DNAAF4: variants seen among roughly 807,000 people sequenced by gnomAD.
DNAAF4 encodes dynein axonemal assembly factor 4, also known as dynein assembly factor 4, axonemal.
In DNAAF4, 43 loss-of-function variants were observed where a neutral mutation model predicts 51.8. That is an observed-to-expected ratio of 0.83 (90% CI 0.65 to 1.07). The LOEUF (loss-of-function observed/expected upper bound fraction) is 1.07, where lower values mean the gene tolerates loss of function less well. Ranked by LOEUF, DNAAF4 falls within the 50% of genes least tolerant of loss-of-function variation. The probability of loss-of-function intolerance (pLI) is 0.00; values close to 1 mark genes in which losing one functional copy is unlikely to be tolerated. For missense variants in DNAAF4, 581 were observed against 493.0 expected, an observed-to-expected ratio of 1.18 and a Z score of -1.69; for synonymous variants, 194 against 165.6, an observed-to-expected ratio of 1.17 and a Z score of -1.32.
At chr15:55,506,264 A>G (rs1266962880) in intron 1 of DNAAF4, among the ~76,000 whole-genome samples, 1 of 152,230 alleles carries the variant, frequency 6.6e-6, no homozygotes, top group East Asian at 1.9e-4. Flanking sequence ...GCAAATTGGC[A>G]TAATCTTATT....
intron 4 of DNAAF4, among the ~76,000 whole-genome samples, chr15:55,468,942 A>C (rs1434889583): frequency 1.3e-5 from 2 of 152,190 alleles, no homozygotes; most frequent in Non-Finnish European, 2.9e-5. Flanking sequence ...AGAGTAGGTA[A>C]CAGAAGGAAC....
chr15:55,492,923 T>C (rs1053667788), intron 3 of DNAAF4, among the ~76,000 whole-genome samples: 4 of 152,218 alleles, frequency 2.6e-5, no homozygotes, highest in African/African-American at 9.6e-5. Flanking sequence ...AAGTAGAGTA[T>C]AAAAGAGGTA....
chr15:55,445,532 C>G (rs879938869), intron 6 of DNAAF4, among the ~76,000 whole-genome samples: 1 of 152,152 alleles, frequency 6.6e-6, no homozygotes, highest in Non-Finnish European at 1.5e-5. Flanking sequence ...TCATCATGGC[C>G]CGTTCTCGAT....
intron 3 of DNAAF4, chr15:55,495,220 AAAAAAAAAAAAAT>A (rs1319387113): frequency 6.9e-6 from 1 of 145,112 alleles, no homozygotes; most frequent in Non-Finnish European, 1.6e-5. Flanking sequence ...AAAAAAAAAA[AAAAAAAAAAAAAT>A]TAAGTAAACT....
chr15:55,424,991 G>A (rs909244780), intron 7 of DNAAF4, among the ~76,000 whole-genome samples: 3 of 152,016 alleles, frequency 2.0e-5, no homozygotes, highest in Non-Finnish European at 4.4e-5. Context: ...TCAGCCTCCT[G>A]AGTAGCTGGG....
chr15:55,473,200 T>A (rs2927576), intron 4 of DNAAF4, among the ~76,000 whole-genome samples: 5,977 of 22,766 alleles, frequency 0.26, 908 homozygotes, highest in African/African-American at 0.47. Context: ...AAAAAAAAAA[T>A]ATATATATAT....
intron 4 of DNAAF4, among the ~76,000 whole-genome samples, chr15:55,483,050 G>A (rs2058433756): frequency 6.6e-6 from 1 of 152,090 alleles, no homozygotes; most frequent in South Asian, 2.1e-4. Context: ...ATGGTGGAGG[G>A]AAAAGTAGGG....
chr15:55,458,844 C>G (rs562604502), intron 5 of DNAAF4, among the ~76,000 whole-genome samples: 1 of 151,964 alleles, frequency 6.6e-6, no homozygotes, highest in Non-Finnish European at 1.5e-5. Context: ...GAGGCCAAGG[C>G]GGGTGGATCA....
chr15:55,498,248 C>A lies in DNAAF4; in HGVS notation c.82G>T (p.Val28Phe). Residue 28 changes from valine to phenylalanine, a missense_variant, in exon 2 of 10, where the codon GTC (valine) becomes TTC (phenylalanine). By Grantham distance (50) the Val-to-Phe change is conservative. Transcript: ENST00000321149. ...GTGCAGAACACGTCCGTGTCTCTGA[C>A]GCACACGCCTTTGAGGGGCAGAGAC... is the stretch of plus-strand genomic sequence containing the variant. ...FLSLPLKGVC[V>F]RDTDVFCTEN... 1 of 1,613,878 alleles carries A rather than the reference C, an allele frequency of 6.2e-7. No individual in the cohort carries two copies. The highest frequency in any genetic ancestry group is 8.5e-7 in the Non-Finnish European group (1 of 1,179,880).
intron 5 of DNAAF4, among the ~76,000 whole-genome samples, chr15:55,453,245 T>C (rs2057963768): frequency 6.6e-6 from 1 of 152,156 alleles, no homozygotes; most frequent in Non-Finnish European, 1.5e-5. Context: ...CATCAACAAG[T>C]CTTTTGCAAA....
Position 55,447,348 on chromosome 15 carries a change from A to T in DNAAF4, c.783+2874T>A, listed in dbSNP as rs610286. 1.3e-3 allele frequency among the ~76,000 whole-genome samples: 196 copies of T among 151,824 alleles called. 2 individuals carry two copies. The highest frequency in any genetic ancestry group is 4.5e-3 in the African/African-American group (187 of 41,446). On this transcript the variant is annotated intron_variant, in intron 6 of 9. Coordinates refer to ENST00000321149, the MANE Select transcript of DNAAF4 (RefSeq NM_130810.4). ...CCCAGACGATGGGCGGCCAGGCAGA[A>T]ATGTTCCTCACTTCCTAGATGGGGT... is the stretch of plus-strand genomic sequence containing the variant.
chr15:55,434,756 AG>A, intron 8 of DNAAF4, 148 bp downstream of exon 8: 1 of 735,656 alleles, frequency 1.4e-6, no homozygotes, highest in Non-Finnish European at 2.0e-6. Flanking sequence ...GTAAAAAATC[AG>A]TTAAAAAAAA....
At chr15:55,474,253 T>C (rs770682080) in intron 4 of DNAAF4, among the ~76,000 whole-genome samples, 3 of 152,072 alleles carry the variant, frequency 2.0e-5, no homozygotes, top group Non-Finnish European at 2.9e-5. Context: ...TAAAATCAAC[T>C]AGCTGGGCGC....
At chr15:55,440,441 C>T (rs574643232) in intron 6 of DNAAF4, among the ~76,000 whole-genome samples, 6 of 151,966 alleles carry the variant, frequency 3.9e-5, no homozygotes, top group African/African-American at 1.2e-4. Flanking sequence ...TGCAGTGGTG[C>T]GATCTCGGCT....
intron 4 of DNAAF4, among the ~76,000 whole-genome samples, chr15:55,485,636 A>G (rs79399082): frequency 0.05 from 7,686 of 152,206 alleles, 270 homozygotes; most frequent in East Asian, 0.15. Context: ...CAAAAACAAG[A>G]AATGATAAAA....
At chr15:55,489,224 C>A (rs911074034) in intron 4 of DNAAF4, among the ~76,000 whole-genome samples, 5 of 152,080 alleles carry the variant, frequency 3.3e-5, no homozygotes, top group African/African-American at 1.2e-4. Context: ...CAGTGAATAT[C>A]TATTGCCACA....
At position 55,430,497 on chromosome 15, in the gene DNAAF4, G is replaced by A; in HGVS notation, c.*173C>T. ...ATTCTTATTTAGATTTACTTATTCA[G>A]AAATGATTCAAGTCAAACAGTTTAT... is the stretch of plus-strand genomic sequence containing the variant. On this transcript the variant is annotated 3_prime_UTR_variant, in exon 10 of 10. Transcript: ENST00000321149. The A allele has an allele frequency of 8.4e-7, 1 of 1,183,766 alleles. No individual in the cohort carries two copies. 73.3% of individuals were successfully genotyped at this position (1,183,766 alleles called of 1,614,324 possible).
chr15:55,488,187 G>A (rs1235451514), intron 4 of DNAAF4, among the ~76,000 whole-genome samples: 2 of 151,394 alleles, frequency 1.3e-5, no homozygotes, highest in Non-Finnish European at 2.9e-5. Context: ...TAACCAGAAA[G>A]AGACCCTACC....
At chr15:55,469,940 A>G (rs2058228906) in intron 4 of DNAAF4, among the ~76,000 whole-genome samples, 1 of 152,014 alleles carries the variant, frequency 6.6e-6, no homozygotes, top group South Asian at 2.1e-4. Flanking sequence ...CAGGACTCCC[A>G]TATTTCTAAC....
Sources: allele counts gnomAD v4.1 joint callset (sites outside exome capture counted in the v4.1 genomes callset), GRCh38; gene constraint gnomAD v4.1.1; transcripts MANE v1.5; gene names NCBI Gene and HGNC (gene_info 2026-07-23, HGNC 2026-07-21).